The following ARID1B variants were observed in gnomAD, a reference collection of about 807,000 sequenced individuals.
ARID1B encodes the protein AT-rich interactive domain-containing protein 1B.
A neutral mutation model predicts 212.3 loss-of-function variants in ARID1B; 30 were observed. The ratio of observed to expected loss-of-function variants is 0.14; its 90% CI spans 0.11 to 0.19. ARID1B has a LOEUF of 0.19. Ranked by LOEUF, ARID1B falls within the 10% of genes least tolerant of loss-of-function variation. The pLI is 1.00. For missense variants in ARID1B, 2,891 were observed against 3,204.0 expected (o/e 0.90, Z 2.36); for synonymous variants, 1,402 against 1,301.7 (o/e 1.08, Z -1.66).
chr6:157,191,995 A>G (rs1793414146), intron 15 of ARID1B, among the ~76,000 whole-genome samples: 1 of 152,202 alleles, frequency 6.6e-6, no homozygotes, highest in African/African-American at 2.4e-5. Context: ...TAAAAATGAA[A>G]TTCATAGTAT....
chr6:157,020,422 CTG>C (rs1397285417), intron 4 of ARID1B, among the ~76,000 whole-genome samples: 4 of 152,166 alleles, frequency 2.6e-5, no homozygotes, highest in Non-Finnish European at 5.9e-5. Context: ...AACTACATAA[CTG>C]TAAATTGGAA....
chr6:157,087,339 G>A lies in ARID1B; in HGVS notation c.2491+2434G>A, dbSNP rs112640418. 5.6e-3 allele frequency among the ~76,000 whole-genome samples: 853 copies of A among 152,268 alleles called. 14 individuals carry two copies. The highest frequency in any genetic ancestry group is 0.02 in the African/African-American group (817 of 41,556). On this transcript the variant is annotated intron_variant, in intron 5 of 19. Transcript: ENST00000636930. ...TGGCATTTATTCACCTTTCTCCCAA[G>A]TGGAATTACAAACATTTGAACTTGA...
At chr6:156,783,813 T>C (rs905390479) in intron 1 of ARID1B, among the ~76,000 whole-genome samples, 1 of 152,182 alleles carries the variant, frequency 6.6e-6, no homozygotes, top group African/African-American at 2.4e-5. Flanking sequence ...TTCTTGCAGC[T>C]CTACACTGGA....
At chr6:156,996,770 A>G (rs1300567508) in intron 4 of ARID1B, among the ~76,000 whole-genome samples, 2 of 152,210 alleles carry the variant, frequency 1.3e-5, no homozygotes, top group Non-Finnish European at 2.9e-5. Context: ...CAATTAATAA[A>G]TGTTGGGAAT....
intron 4 of ARID1B, among the ~76,000 whole-genome samples, chr6:157,018,650 T>C (rs1474545657): frequency 6.6e-6 from 1 of 152,252 alleles, no homozygotes; most frequent in Non-Finnish European, 1.5e-5. Flanking sequence ...TTCTGGCGTA[T>C]GAGAATTTCT....
chr6:156,807,049 G>A (rs1309745802), intron 1 of ARID1B, among the ~76,000 whole-genome samples: 1 of 152,146 alleles, frequency 6.6e-6, no homozygotes, highest in Admixed American at 6.5e-5. Flanking sequence ...AAAACCAAGC[G>A]GTGGACCAGA....
intron 2 of ARID1B, among the ~76,000 whole-genome samples, chr6:156,899,126 C>T (rs1788719397): frequency 6.6e-6 from 1 of 152,198 alleles, no homozygotes; most frequent in Non-Finnish European, 1.5e-5. Context: ...CCTGTATAGA[C>T]TTGCAGGTGG....
At chr6:156,906,313 C>CGAGGTG (rs920338576) in intron 3 of ARID1B, among the ~76,000 whole-genome samples, 1 of 151,560 alleles carries the variant, frequency 6.6e-6, no homozygotes, top group African/African-American at 2.4e-5. Context: ...TTTGGGAGGC[C>CGAGGTG]GAGGTGGGTG....
At chr6:156,861,040 C>T (rs907548492) in intron 2 of ARID1B, among the ~76,000 whole-genome samples, 1 of 152,148 alleles carries the variant, frequency 6.6e-6, no homozygotes, top group Non-Finnish European at 1.5e-5. Flanking sequence ...GTCTGTCAGC[C>T]ACCTTGTACA....
intron 4 of ARID1B, among the ~76,000 whole-genome samples, chr6:156,987,676 C>G (rs922345123): frequency 6.6e-6 from 1 of 152,204 alleles, no homozygotes; most frequent in Non-Finnish European, 1.5e-5. Flanking sequence ...CATTTGACAT[C>G]ACTTGAATTT....
intron 2 of ARID1B, among the ~76,000 whole-genome samples, chr6:156,849,713 C>T (rs1784458334): frequency 6.6e-6 from 1 of 151,938 alleles, no homozygotes; most frequent in South Asian, 2.1e-4. Context: ...GGGTGCTTTT[C>T]TGTGCTGGGG....
At chr6:156,804,378 C>T (rs62435783) in intron 1 of ARID1B, among the ~76,000 whole-genome samples, 7,640 of 151,558 alleles carry the variant, frequency 0.05, 248 homozygotes, top group Middle Eastern at 0.11. Flanking sequence ...TTTTGGATTA[C>T]ATTGATAATT....
In ARID1B at chr6:157,127,383, A is replaced by G. The variant is rs116475626; in HGVS notation, c.2582-5645A>G. Among the ~76,000 whole-genome samples the G allele has an allele frequency of 9.3e-3, 1,423 of 152,266 alleles. 24 individuals carry two copies. The highest frequency in any genetic ancestry group is 0.032 in the African/African-American group (1,349 of 41,550). On this transcript the variant is annotated intron_variant, in intron 6 of 19. Transcript: ENST00000636930. ...TAATAGTGACAAGAACTGGCCGGGC[A>G]TGGTGCCTCACACCTGTAATCCCAG...
chr6:156,907,624 G>A (rs1413915951), intron 3 of ARID1B, among the ~76,000 whole-genome samples: 3 of 151,950 alleles, frequency 2.0e-5, no homozygotes, highest in Non-Finnish European at 4.4e-5. Context: ...ATGAATTGGA[G>A]GCCAGGCGTG....
chr6:157,203,020 T>G lies in ARID1B; in HGVS notation c.5264-846T>G, dbSNP rs1794213307. Among the ~76,000 whole-genome samples, 1 of 152,186 alleles carries G rather than the reference T, an allele frequency of 6.6e-6. No homozygotes were observed. The highest frequency in any genetic ancestry group is 1.5e-5 in the Non-Finnish European group (1 of 68,040). On this transcript the variant is annotated intron_variant, in intron 18 of 19. Transcript: ENST00000636930. The surrounding 1 kb of genome is among the most constrained non-coding windows in gnomAD (Gnocchi z 4.4). ...TATTTTTAAAAGTAATTTTGATTTT[T>G]TTATTGTAAAAACAGTATGTAGCTA... is the stretch of plus-strand genomic sequence containing the variant.
chr6:156,951,925 G>A (rs1291349934), intron 4 of ARID1B, among the ~76,000 whole-genome samples: 1 of 152,086 alleles, frequency 6.6e-6, no homozygotes, highest in Non-Finnish European at 1.5e-5. Flanking sequence ...CCTAAATTAG[G>A]TGTCATGCCA....
intron 4 of ARID1B, among the ~76,000 whole-genome samples, chr6:157,058,652 G>A (rs1485558511): frequency 6.6e-6 from 1 of 152,206 alleles, no homozygotes; most frequent in Non-Finnish European, 1.5e-5. Context: ...GATGTTCACA[G>A]AAGCAAGCCA....
chr6:156,889,493 G>T (rs1191244639), intron 2 of ARID1B, among the ~76,000 whole-genome samples: 2 of 152,312 alleles, frequency 1.3e-5, no homozygotes, highest in African/African-American at 4.8e-5. Context: ...GCATTTGACT[G>T]CCAGTGAATG....
rs1407758977 is a variant in ARID1B at position 156,901,399 on chromosome 6, A to G, written c.2010A>G (p.Gln670=). 3.7e-6 allele frequency: 6 copies of G among 1,614,066 alleles called. No individual in the cohort carries two copies. Among genetic ancestry groups the G allele is most frequent in the East Asian group, 2.2e-5 (1 of 44,884 alleles). The change falls in exon 3 of 20, where the codon CAA becomes CAG. Residue 670 remains glutamine (Q), a synonymous_variant. Transcript: ENST00000636930. The stretch of plus-strand genomic sequence containing the variant: ...AGATGCCACCTCAGTATGGACAGCA[A>G]GGTGTGAGTGGTTACTGCCAGCAGG... ...QQQMPPQYGQ[Q]GVSGYCQQGQ... is the part of the protein sequence containing the mutation.
Sources: gnomAD v4.1 joint callset for allele counts (sites outside exome capture counted in the v4.1 genomes callset) on GRCh38, gnomAD v4.1.1 for gene constraint, Gnocchi (gnomAD v3.1) non-coding constraint, MANE v1.5 for transcripts, NCBI Gene and HGNC (gene_info 2026-07-23, HGNC 2026-07-21) for gene names.